JARID2: variants seen among roughly 807,000 people sequenced by gnomAD.
JARID2 encodes the protein protein Jumonji.
Under a neutral mutation model 125.6 loss-of-function variants are expected in JARID2, and 21 were observed. That is an observed-to-expected ratio of 0.17 (90% CI 0.12 to 0.24). The LOEUF (loss-of-function observed/expected upper bound fraction) is 0.24, where lower values mean the gene tolerates loss of function less well. Ranked by LOEUF, JARID2 falls within the 10% of genes least tolerant of loss-of-function variation. JARID2 has a pLI of 1.00. For missense variants in JARID2, 1,303 were observed against 1,639.6 expected (o/e 0.79, Z 3.55); for synonymous variants, 736 against 661.6 (o/e 1.11, Z -1.73).
chr6:15,381,624 G>C (rs1764592179), intron 2 of JARID2, among the ~76,000 whole-genome samples: 1 of 152,222 alleles, frequency 6.6e-6, no homozygotes, highest in Non-Finnish European at 1.5e-5. Context: ...ATTTGTTGTG[G>C]AAAGGCGAGA....
At chr6:15,474,256 T>C (rs1188229636) in intron 5 of JARID2, among the ~76,000 whole-genome samples, 1 of 152,250 alleles carries the variant, frequency 6.6e-6, no homozygotes, top group Non-Finnish European at 1.5e-5. Flanking sequence ...AACCTAAGTG[T>C]AGCAGTCTTT....
At chr6:15,291,982 C>T (rs1438839015) in intron 1 of JARID2, among the ~76,000 whole-genome samples, 2 of 152,000 alleles carry the variant, frequency 1.3e-5, no homozygotes, top group Admixed American at 1.3e-4. Flanking sequence ...GAAACAAATG[C>T]CCTTCGATTT....
At chr6:15,457,601 C>CTTT (rs35659046) in intron 4 of JARID2, among the ~76,000 whole-genome samples, 2 of 127,110 alleles carry the variant, frequency 1.6e-5, no homozygotes, top group East Asian at 2.3e-4. Flanking sequence ...GGATCCAGGT[C>CTTT]TTTTTTTTTT....
chr6:15,377,912 AGTTTCC>A (rs1282847655), intron 2 of JARID2, among the ~76,000 whole-genome samples: 1 of 131,790 alleles, frequency 7.6e-6, no homozygotes, highest in Non-Finnish European at 1.6e-5. Flanking sequence ...TTTGAGATGG[AGTTTCC>A]CTCTGTTGCC....
chr6:15,503,067 C>A (rs571603071), intron 8 of JARID2, among the ~76,000 whole-genome samples: 1 of 152,370 alleles, frequency 6.6e-6, no homozygotes, highest in East Asian at 1.9e-4. Context: ...TTGTTTAAAT[C>A]CACCCCGTCA....
chr6:15,434,641 G>C (rs553368392), intron 3 of JARID2, among the ~76,000 whole-genome samples: 199 of 152,264 alleles, frequency 1.3e-3, no homozygotes, highest in Admixed American at 2.8e-3. Flanking sequence ...CAAGTATTTT[G>C]ATAGAATGTT....
chr6:15,297,399 C>T (rs896574170), intron 1 of JARID2, among the ~76,000 whole-genome samples: 7 of 152,006 alleles, frequency 4.6e-5, no homozygotes, highest in Admixed American at 2.6e-4. Context: ...CTACCCGCCT[C>T]GGCCTGGGAT....
In JARID2 at chr6:15,332,681, C is replaced by T. The variant is rs975722070; in HGVS notation, c.46-41436C>T. Among the ~76,000 whole-genome samples the T allele has an allele frequency of 1.2e-4, 18 of 152,242 alleles. No individual in the cohort carries two copies. The East Asian group carries it at 3.5e-3, about 29-fold the overall frequency. On this transcript the variant is annotated intron_variant, in intron 1 of 17. Coordinates refer to ENST00000341776, the MANE Select transcript of JARID2 (RefSeq NM_004973.4). ...TTGAGCTCCTGCCAGTCTGATAGGCCTTCTAAGTTGTTGCAAGACCTGAAC... is the reference window on the plus strand; with the variant it reads ...TTGAGCTCCTGCCAGTCTGATAGGCTTTCTAAGTTGTTGCAAGACCTGAAC...
intron 12 of JARID2, chr6:15,508,821 G>A: frequency 2.0e-6 from 1 of 502,948 alleles, no homozygotes; most frequent in Middle Eastern, 3.7e-4. Context: ...TTTTTCTTGT[G>A]GATTTCCAAG....
At chr6:15,448,298 A>C (rs1767762970) in intron 3 of JARID2, among the ~76,000 whole-genome samples, 1 of 152,166 alleles carries the variant, frequency 6.6e-6, no homozygotes, top group Non-Finnish European at 1.5e-5. Context: ...AGCACCTTTT[A>C]TTTGAGCATT....
chr6:15,470,762 A>AT (rs1769037739), intron 5 of JARID2, among the ~76,000 whole-genome samples: 3 of 152,210 alleles, frequency 2.0e-5, no homozygotes, highest in African/African-American at 4.8e-5. Context: ...GTGAATTGGA[A>AT]TGCAGGTATT....
chr6:15,399,640 C>T (rs551093331), intron 2 of JARID2, among the ~76,000 whole-genome samples: 1 of 152,310 alleles, frequency 6.6e-6, no homozygotes, highest in African/African-American at 2.4e-5. Context: ...GCCTGGGTGA[C>T]TTCACTCCTG....
intron 3 of JARID2, among the ~76,000 whole-genome samples, chr6:15,429,787 C>T (rs1410521176): frequency 8.6e-5 from 13 of 152,004 alleles, no homozygotes; most frequent in African/African-American, 2.9e-4. Context: ...TCCGGCCCTG[C>T]GAGAGAGAGA....
intron 3 of JARID2, among the ~76,000 whole-genome samples, chr6:15,431,209 C>T (rs769567516): frequency 1.1e-4 from 17 of 152,158 alleles, no homozygotes; most frequent in Admixed American, 8.5e-4. Context: ...AAATAGAGCC[C>T]TTACAGATCA....
intron 3 of JARID2, among the ~76,000 whole-genome samples, chr6:15,418,261 A>G (rs1386553650): frequency 7.8e-6 from 1 of 128,964 alleles, no homozygotes; most frequent in Non-Finnish European, 1.5e-5. Context: ...CTCTGTCGCC[A>G]GGCTGGAGTG....
chr6:15,387,724 G>C (rs1298669487), intron 2 of JARID2, among the ~76,000 whole-genome samples: 1 of 152,036 alleles, frequency 6.6e-6, no homozygotes, highest in African/African-American at 2.4e-5. Flanking sequence ...CATTTTCCTG[G>C]TAAGTCAGGA....
chr6:15,311,934 C>CT (rs1762028119), intron 1 of JARID2, among the ~76,000 whole-genome samples: 1 of 152,264 alleles, frequency 6.6e-6, no homozygotes, highest in African/African-American at 2.4e-5. Context: ...TTGGCATTAA[C>CT]TTTTATTTAA....
At chr6:15,337,766 G>A (rs1435742033) in intron 1 of JARID2, among the ~76,000 whole-genome samples, 6 of 151,916 alleles carry the variant, frequency 3.9e-5, no homozygotes. Context: ...TTTCTGATAG[G>A]GAAGTTAACG....
chr6:15,359,343 G>T (rs1215314797), intron 1 of JARID2, among the ~76,000 whole-genome samples: 1 of 152,164 alleles, frequency 6.6e-6, no homozygotes, highest in East Asian at 1.9e-4. Flanking sequence ...GGTATGTCCT[G>T]CCCCTGATGT....
Sources: gnomAD v4.1 joint callset for allele counts (sites outside exome capture counted in the v4.1 genomes callset) on GRCh38, gnomAD v4.1.1 for gene constraint, MANE v1.5 for transcripts, NCBI Gene and HGNC (gene_info 2026-07-23, HGNC 2026-07-21) for gene names.